Variants in FBXL17 observed in about 807,000 individuals in gnomAD.
FBXL17 encodes F-box and leucine rich repeat protein 17.
A neutral mutation model predicts 66.2 loss-of-function variants in FBXL17; 22 were observed. The ratio of observed to expected loss-of-function variants is 0.33; its 90% confidence interval spans 0.24 to 0.47. The LOEUF (loss-of-function observed/expected upper bound fraction) is 0.47, where lower values mean the gene tolerates loss of function less well. FBXL17 is among the 20% of genes least tolerant of loss of function. The pLI is 1.00. For missense variants in FBXL17, 878 were observed against 948.2 expected (o/e 0.93, Z 0.97); for synonymous variants, 474 against 400.5 (o/e 1.18, Z -2.19).
At chr5:108,166,487 T>A (rs976433652) in intron 6 of FBXL17, among the ~76,000 whole-genome samples, 1 of 152,116 alleles carries the variant, frequency 6.6e-6, no homozygotes, top group Non-Finnish European at 1.5e-5. Flanking sequence ...AAAAAACTGA[T>A]AATAAATAAC....
At chr5:108,342,540 CTT>C (rs1224233121) in intron 4 of FBXL17, among the ~76,000 whole-genome samples, 1 of 152,128 alleles carries the variant, frequency 6.6e-6, no homozygotes, top group African/African-American at 2.4e-5. Flanking sequence ...GAGATAATGT[CTT>C]TTGGAAGTTG....
chr5:108,041,910 G>A (rs1747061053), intron 6 of FBXL17, among the ~76,000 whole-genome samples: 1 of 151,774 alleles, frequency 6.6e-6, no homozygotes, highest in South Asian at 2.1e-4. Context: ...TATAATTCAG[G>A]GGTTTTTCTG....
chr5:108,012,916 G>A (rs1382858923), intron 7 of FBXL17, among the ~76,000 whole-genome samples: 1 of 150,618 alleles, frequency 6.6e-6, no homozygotes, highest in East Asian at 1.9e-4. Context: ...TAGGGAGGCT[G>A]AAGCAGGAGA....
chr5:108,298,641 AAC>A (rs1228339496), intron 4 of FBXL17: 1 of 905,122 alleles, frequency 1.1e-6, no homozygotes, highest in Non-Finnish European at 1.3e-6. Flanking sequence ...ATCAACACAA[AAC>A]ACAGTTCATC....
intron 7 of FBXL17, among the ~76,000 whole-genome samples, chr5:107,985,886 G>A (rs55780614): frequency 0.12 from 18,172 of 152,106 alleles, 1,331 homozygotes; most frequent in East Asian, 0.2. Flanking sequence ...GAGTGCAGAC[G>A]AAACAAGTTT....
chr5:108,288,848 TGAC>T, intron 4 of FBXL17, among the ~76,000 whole-genome samples: 1 of 152,194 alleles, frequency 6.6e-6, no homozygotes, highest in African/African-American at 2.4e-5. Context: ...AACATAACTT[TGAC>T]TTTTTAAACT....
chr5:107,989,170 T>A (rs988875149), intron 7 of FBXL17, among the ~76,000 whole-genome samples: 1 of 152,100 alleles, frequency 6.6e-6, no homozygotes, highest in African/African-American at 2.4e-5. Context: ...CTGGCTATTT[T>A]GAAATGCACA....
At chr5:108,106,529 G>A (rs1749803076) in intron 6 of FBXL17, among the ~76,000 whole-genome samples, 1 of 152,188 alleles carries the variant, frequency 6.6e-6, no homozygotes, top group African/African-American at 2.4e-5. Flanking sequence ...CAGATGTGGT[G>A]TATCAGTACA....
chr5:108,338,049 G>A (rs1746628475), intron 4 of FBXL17, among the ~76,000 whole-genome samples: 1 of 151,706 alleles, frequency 6.6e-6, no homozygotes, highest in Non-Finnish European at 1.5e-5. Context: ...AATAGAATGA[G>A]TATATGTGTA....
At chr5:108,067,097 C>G (rs998039214) in intron 6 of FBXL17, among the ~76,000 whole-genome samples, 2 of 151,988 alleles carry the variant, frequency 1.3e-5, no homozygotes, top group African/African-American at 4.8e-5. Context: ...AAGACATACT[C>G]TAGAATGTAG....
intron 6 of FBXL17, among the ~76,000 whole-genome samples, chr5:108,116,285 G>A (rs114013232): frequency 0.012 from 1,843 of 152,112 alleles, 16 homozygotes; most frequent in Non-Finnish European, 0.019. Flanking sequence ...GTAGTTACGA[G>A]GTTAATATGC....
intron 1 of FBXL17, among the ~76,000 whole-genome samples, chr5:108,375,413 A>C (rs950966328): frequency 2.0e-5 from 3 of 148,926 alleles, no homozygotes; most frequent in Non-Finnish European, 2.9e-5. Context: ...CTAGACTAAG[A>C]ATAAAGAGAG....
rs1191621116 is a variant in FBXL17 at position 108,364,968 on chromosome 5, C to A, written c.1144G>T (p.Ala382Ser). ...TCAATTATATTCTGACTTCTTGATG[C>A]AATTTTTTCCAACAATTCATCAGTG... ...QVTDELLEKIASRSQNIIEIN... is the reference protein window; with the variant it reads ...QVTDELLEKISSRSQNIIEIN... The change falls in exon 3 of 9, where the codon GCA becomes TCA. Residue 382 changes from alanine to serine, a missense_variant. Physicochemically the swap from Ala to Ser is moderately conservative, Grantham distance 99. Coordinates refer to ENST00000542267, the MANE Select transcript of FBXL17 (RefSeq NM_001163315.3). 6.2e-7 allele frequency: 1 copy of A among 1,609,858 alleles called. No individual in the cohort carries two copies. Among genetic ancestry groups the A allele is most frequent in the South Asian group, 1.1e-5 (1 of 90,856 alleles).
intron 2 of FBXL17, among the ~76,000 whole-genome samples, chr5:108,366,142 C>T (rs1748645554): frequency 6.6e-6 from 1 of 151,972 alleles, no homozygotes; most frequent in Non-Finnish European, 1.5e-5. Context: ...TTGGAAAATA[C>T]ACCATTTTGC....
At chr5:108,138,541 G>T (rs991605922) in intron 6 of FBXL17, among the ~76,000 whole-genome samples, 61 of 152,158 alleles carry the variant, frequency 4.0e-4, no homozygotes, top group African/African-American at 1.4e-3. Flanking sequence ...GGTTAAAAAG[G>T]TAAACCAGAA....
chr5:108,003,219 G>A (rs552993697), intron 7 of FBXL17, among the ~76,000 whole-genome samples: 13 of 152,262 alleles, frequency 8.5e-5, no homozygotes, highest in Admixed American at 6.5e-4. Context: ...AAAGTCACAG[G>A]CCAATCACAT....
intron 6 of FBXL17, among the ~76,000 whole-genome samples, chr5:108,047,915 G>A (rs1446666108): frequency 3.3e-5 from 5 of 152,200 alleles, no homozygotes; most frequent in East Asian, 1.9e-4. Context: ...TCCCCCCAGC[G>A]AAGCACACCC....
intron 4 of FBXL17, among the ~76,000 whole-genome samples, chr5:108,224,562 C>T (rs1755016695): frequency 1.4e-5 from 2 of 148,062 alleles, no homozygotes; most frequent in African/African-American, 5.0e-5. Context: ...CACACAAACA[C>T]ACACATATAT....
At chr5:108,296,437 TTGC>T (rs1204349898) in intron 4 of FBXL17, among the ~76,000 whole-genome samples, 2 of 151,906 alleles carry the variant, frequency 1.3e-5, no homozygotes, top group African/African-American at 4.8e-5. Context: ...AACTATTTTC[TTGC>T]TAATAATACA....
Sources: gnomAD v4.1 joint callset for allele counts (sites outside exome capture counted in the v4.1 genomes callset) on GRCh38, gnomAD v4.1.1 for gene constraint, MANE v1.5 for transcripts, NCBI Gene and HGNC (gene_info 2026-07-23, HGNC 2026-07-21) for gene names.